Variants in KDM1B observed in about 807,000 individuals in gnomAD.
KDM1B encodes lysine-specific histone demethylase 2.
Under a neutral mutation model 107.4 loss-of-function variants are expected in KDM1B, and 63 were observed. The observed-to-expected ratio is 0.59, with a 90% CI of 0.48 to 0.72. The LOEUF (loss-of-function observed/expected upper bound fraction) is 0.72. Ranked by LOEUF, KDM1B falls within the 30% of genes least tolerant of loss-of-function variation. The probability of loss-of-function intolerance (pLI) is 0.00; values close to 1 mark genes in which losing one functional copy is unlikely to be tolerated. For synonymous variants in KDM1B, 363 were observed against 363.9 expected (o/e 1.00, Z 0.03); for missense variants, 749 against 1,020.8 (o/e 0.73, Z 3.63).
chr6:18,187,755 G>C (rs764830960), intron 8 of KDM1B, 37 bp from the exon 9 acceptor site: 15 of 1,372,800 alleles, frequency 1.1e-5, no homozygotes, highest in Non-Finnish European at 1.5e-5. Context: ...TTTCTTGTCT[G>C]TCCTTGTCTC....
intron 21 of KDM1B, among the ~76,000 whole-genome samples, chr6:18,219,812 T>C (rs1561961394): frequency 6.6e-6 from 1 of 152,168 alleles, no homozygotes; most frequent in Non-Finnish European, 1.5e-5. Flanking sequence ...GAACAGTTAG[T>C]TTCCTGTGTG....
At chr6:18,167,597 C>T (rs1420323959) in intron 6 of KDM1B, among the ~76,000 whole-genome samples, 1 of 151,696 alleles carries the variant, frequency 6.6e-6, no homozygotes, top group Admixed American at 6.6e-5. Context: ...CCTCAGCCTC[C>T]CTAATAGCTG....
At chr6:18,165,628 G>A (rs1291550204) in intron 5 of KDM1B, among the ~76,000 whole-genome samples, 1 of 152,070 alleles carries the variant, frequency 6.6e-6, no homozygotes, top group Non-Finnish European at 1.5e-5. Context: ...TTCGGGACCA[G>A]CCTGGCCAAC....
intron 16 of KDM1B, 87 bp downstream of exon 16, chr6:18,207,616 G>A: frequency 1.3e-6 from 2 of 1,530,332 alleles, no homozygotes; most frequent in Non-Finnish European, 9.0e-7. Flanking sequence ...AGGAGAATGG[G>A]GCTGGCTTTG....
At chr6:18,217,927 TTC>T in intron 21 of KDM1B, 42 bp downstream of exon 21, 15 of 1,588,312 alleles carry the variant, frequency 9.4e-6, no homozygotes, top group Non-Finnish European at 1.2e-5. Flanking sequence ...GTATTTTGAT[TTC>T]TGTCTTTCAT....
At position 18,177,207 on chromosome 6, in the gene KDM1B, T is replaced by C. The variant is rs1290306977; in HGVS notation, c.534+5728T>C. Among the ~76,000 whole-genome samples, 7 of 152,194 alleles carry C rather than the reference T, an allele frequency of 4.6e-5. No individual in the cohort carries two copies. In the East Asian group the frequency reaches 1.3e-3, roughly 29 times the overall value. On this transcript the variant is annotated intron_variant, in intron 7 of 21. Coordinates refer to ENST00000650836, the MANE Select transcript of KDM1B (RefSeq NM_001364614.2). ...ATTTAAGCTAGGAGGGTTGTATTTT[T>C]CCAGGAATTTGTCCATGTCTTCTAG...
rs1043071222 is a variant in KDM1B, at chr6:18,223,355, C to T, written c.*1363C>T. ...CCCACCGCCCGCCCCCCGCCCCCCCCAATCAAAGTGTGGTCCCAAAACAAG... is the reference window on the plus strand; with the variant it reads ...CCCACCGCCCGCCCCCCGCCCCCCCTAATCAAAGTGTGGTCCCAAAACAAG... On this transcript the variant is annotated 3_prime_UTR_variant, in exon 22 of 22. Transcript: ENST00000650836. 7.2e-6 allele frequency: 1 copy of T among 138,142 alleles called. No individual in the cohort carries two copies. Among genetic ancestry groups the T allele is most frequent in the Admixed American group, 7.3e-5 (1 of 13,714 alleles). The allele number at this position is 138,142 out of a possible 1,614,324, so 8.6% of individuals were successfully genotyped here. A position where few individuals can be genotyped will look rare whatever the true frequency, so the allele number is the denominator to read the frequency against.
At chr6:18,207,621 G>C (rs1192584436) in intron 16 of KDM1B, 92 bp downstream of exon 16, 1 of 1,514,154 alleles carries the variant, frequency 6.6e-7, no homozygotes, top group Admixed American at 1.7e-5. Context: ...AATGGGGCTG[G>C]CTTTGGTGTT....
Position 18,159,385 on chromosome 6 carries a change from CAT to C in KDM1B, c.-13-496_-13-495del, listed in dbSNP as rs1197937711. Among the ~76,000 whole-genome samples, 21 of 152,258 alleles carry C rather than the reference CAT, an allele frequency of 1.4e-4. No homozygotes were observed. Among genetic ancestry groups the C allele is most frequent in the African/African-American group, 4.3e-4 (18 of 41,546 alleles). ...GGTTTTCCTCATTGAATTTTATAAA[CAT>C]AGTGTGGTTTGTTTATTGGTCATTC... On this transcript the variant is annotated intron_variant, in intron 2 of 21. Transcript: ENST00000650836. The surrounding 1 kb of genome is among the most constrained non-coding windows in gnomAD (Gnocchi z 4.5).
chr6:18,210,659 G>T (rs986531653), intron 17 of KDM1B, among the ~76,000 whole-genome samples: 3 of 151,900 alleles, frequency 2.0e-5, no homozygotes, highest in Admixed American at 6.6e-5. Context: ...CTGCACCTGG[G>T]CTACTCAAGT....
In KDM1B at chr6:18,223,269, A is replaced by G. The variant is rs759944929; in HGVS notation, c.*1277A>G. On this transcript the variant is annotated 3_prime_UTR_variant, in exon 22 of 22. Coordinates refer to ENST00000650836, the MANE Select transcript of KDM1B (RefSeq NM_001364614.2). Reference sequence around the variant, plus strand: ...AAATTTAAAAGTAGGTCAGTTTATAACGAGTAAATACCTAACACACCAAGA... The same window carrying G: ...AAATTTAAAAGTAGGTCAGTTTATAGCGAGTAAATACCTAACACACCAAGA... 1.3e-5 allele frequency: 2 copies of G among 152,424 alleles called. No individual in the cohort carries two copies. The highest frequency in any genetic ancestry group is 4.8e-5 in the African/African-American group (2 of 41,384). The allele number at this position is 152,424 out of a possible 1,614,324, so 9.4% of individuals were successfully genotyped here.
intron 21 of KDM1B, among the ~76,000 whole-genome samples, chr6:18,220,091 A>T (rs1789564780): frequency 6.6e-6 from 1 of 152,158 alleles, no homozygotes; most frequent in Non-Finnish European, 1.5e-5. Flanking sequence ...TTTTCTAAGG[A>T]TTCTCTGGGA....
chr6:18,165,527 A>G (rs11315435), intron 5 of KDM1B, among the ~76,000 whole-genome samples: 5 of 152,034 alleles, frequency 3.3e-5, no homozygotes, highest in African/African-American at 2.4e-5. Flanking sequence ...TACATACATT[A>G]AAAAAATATT....
chr6:18,221,830 TAA>T (rs1053287742), intron 21 of KDM1B, 77 bp from the exon 22 acceptor site: 9 of 1,148,840 alleles, frequency 7.8e-6, no homozygotes, highest in Admixed American at 4.2e-5. Flanking sequence ...TTAGACCAGA[TAA>T]AGTCTAACCT....
intron 7 of KDM1B, among the ~76,000 whole-genome samples, chr6:18,177,136 T>A (rs1786071553): frequency 6.6e-6 from 1 of 152,208 alleles, no homozygotes; most frequent in African/African-American, 2.4e-5. Flanking sequence ...ACCATTTCAA[T>A]CTCACTACTT....
At chr6:18,193,538 A>C (rs1787435393) in intron 10 of KDM1B, among the ~76,000 whole-genome samples, 1 of 151,798 alleles carries the variant, frequency 6.6e-6, no homozygotes. Context: ...CTGGGCTTAA[A>C]CAATCCTCCT....
intron 7 of KDM1B, among the ~76,000 whole-genome samples, chr6:18,184,736 C>CTTTTTTTTTTGT (rs1786726560): frequency 1.5e-5 from 1 of 65,434 alleles, no homozygotes; most frequent in African/African-American, 5.5e-5. Flanking sequence ...AGCTTTTTTC[C>CTTTTTTTTTTGT]TTTTTTTTTT....
chr6:18,158,086 T>A (rs1784745219), intron 2 of KDM1B, among the ~76,000 whole-genome samples: 1 of 152,168 alleles, frequency 6.6e-6, no homozygotes, highest in Non-Finnish European at 1.5e-5. Context: ...GTGCTGGGAT[T>A]ACAGGCGTGA....
chr6:18,185,906 T>C, intron 8 of KDM1B, 96 bp downstream of exon 8: 1 of 1,195,570 alleles, frequency 8.4e-7, no homozygotes, highest in Admixed American at 1.8e-5. Flanking sequence ...AATTTCTTTC[T>C]CTTTGGTTGC....
Sources: allele counts gnomAD v4.1 joint callset (sites outside exome capture counted in the v4.1 genomes callset), GRCh38; gene constraint gnomAD v4.1.1; non-coding constraint Gnocchi (gnomAD v3.1); transcripts MANE v1.5; gene names NCBI Gene and HGNC (gene_info 2026-07-23, HGNC 2026-07-21).